CACNA2D3: variants seen among roughly 807,000 people sequenced by gnomAD.
CACNA2D3 encodes voltage-dependent calcium channel subunit alpha-2/delta-3.
A neutral mutation model predicts 160.6 loss-of-function variants in CACNA2D3; 60 were observed. The observed-to-expected ratio is 0.37, with a 90% CI of 0.30 to 0.46. The LOEUF (loss-of-function observed/expected upper bound fraction) is 0.46, where lower values mean the gene tolerates loss of function less well. Ranked by LOEUF, CACNA2D3 falls within the 20% of genes least tolerant of loss-of-function variation. The pLI is 1.00. For missense variants in CACNA2D3, 1,205 were observed against 1,365.0 expected (o/e 0.88, Z 1.85); for synonymous variants, 558 against 492.9 (o/e 1.13, Z -1.75).
chr3:54,421,263 CTTTG>C (rs755610034), intron 4 of CACNA2D3, among the ~76,000 whole-genome samples: 12 of 152,126 alleles, frequency 7.9e-5, no homozygotes, highest in Non-Finnish European at 1.6e-4. Context: ...GGGTGAATAT[CTTTG>C]TTTGTTTATT....
chr3:54,193,464 G>A (rs1474326988), intron 2 of CACNA2D3, among the ~76,000 whole-genome samples: 3 of 152,176 alleles, frequency 2.0e-5, no homozygotes, highest in African/African-American at 7.2e-5. Flanking sequence ...TATCATAATA[G>A]TAAACATTTG....
At chr3:54,790,962 C>T (rs1187232175) in intron 13 of CACNA2D3, among the ~76,000 whole-genome samples, 1 of 152,194 alleles carries the variant, frequency 6.6e-6, no homozygotes, top group Non-Finnish European at 1.5e-5. Context: ...TCTGTGGTGT[C>T]TCCTGCTGTG....
At chr3:54,718,082 G>T (rs1015844038) in intron 11 of CACNA2D3, among the ~76,000 whole-genome samples, 1 of 152,126 alleles carries the variant, frequency 6.6e-6, no homozygotes, top group Non-Finnish European at 1.5e-5. Context: ...GAAATCTCAT[G>T]ATATACTTTT....
chr3:55,025,660 C>T (rs1703550742), intron 35 of CACNA2D3, among the ~76,000 whole-genome samples: 1 of 122,628 alleles, frequency 8.2e-6, no homozygotes, highest in Non-Finnish European at 1.7e-5. Context: ...AAAAAAAAAG[C>T]ATAGTTGATG....
Position 54,816,884 on chromosome 3 carries a change from T to C in CACNA2D3, c.1398+14T>C. The C allele has an allele frequency of 6.2e-7, 1 of 1,613,834 alleles. No homozygotes were observed. The highest frequency in any genetic ancestry group is 8.5e-7 in the Non-Finnish European group (1 of 1,179,838). On this transcript the variant is annotated intron_variant, in intron 14 of 37. Coordinates refer to ENST00000474759, the MANE Select transcript of CACNA2D3 (RefSeq NM_018398.3). Reference sequence around the variant, plus strand: ...CAGGCACAAAAGGTAAATTCTCTTCTGTCACATTCCAGTCACCCCCAGAAC... The same window carrying C: ...CAGGCACAAAAGGTAAATTCTCTTCCGTCACATTCCAGTCACCCCCAGAAC...
intron 5 of CACNA2D3, among the ~76,000 whole-genome samples, chr3:54,532,557 ACTTT>A (rs1367090530): frequency 1.3e-5 from 2 of 152,116 alleles, no homozygotes; most frequent in African/African-American, 4.8e-5. Context: ...GCACTATTTC[ACTTT>A]CTGTTTCTGA....
At chr3:54,209,505 A>T (rs1387029354) in intron 2 of CACNA2D3, among the ~76,000 whole-genome samples, 2 of 152,220 alleles carry the variant, frequency 1.3e-5, no homozygotes, top group Non-Finnish European at 2.9e-5. Flanking sequence ...GGCTGAAAGG[A>T]GTTCACGCAT....
intron 3 of CACNA2D3, 149 bp from the exon 4 acceptor site, chr3:54,386,566 G>C: frequency 4.7e-6 from 3 of 634,180 alleles, no homozygotes; most frequent in Non-Finnish European, 8.0e-6. Context: ...ACACTGATGT[G>C]ATTATTTTCA....
At chr3:54,158,656 C>G (rs144907001) in intron 2 of CACNA2D3, among the ~76,000 whole-genome samples, 5 of 152,302 alleles carry the variant, frequency 3.3e-5, no homozygotes, top group Non-Finnish European at 5.9e-5. Flanking sequence ...ACTTCGCCCA[C>G]AGTGCTTGTT....
chr3:54,239,572 CAGA>C (rs2107405607), intron 2 of CACNA2D3, among the ~76,000 whole-genome samples: 1 of 152,290 alleles, frequency 6.6e-6, no homozygotes, highest in South Asian at 2.1e-4. Flanking sequence ...AGTGTTGGAT[CAGA>C]AGAAGGGAGA....
intron 35 of CACNA2D3, among the ~76,000 whole-genome samples, chr3:55,056,528 A>T (rs1003589521): frequency 6.6e-6 from 1 of 152,230 alleles, no homozygotes; most frequent in Non-Finnish European, 1.5e-5. Context: ...AGCACTTTTC[A>T]TAATAGCTAA....
intron 5 of CACNA2D3, among the ~76,000 whole-genome samples, chr3:54,509,291 T>TTG (rs10586548): frequency 2.1e-4 from 31 of 150,850 alleles, no homozygotes; most frequent in African/African-American, 6.1e-4. Context: ...GTGTGTGTGT[T>TTG]TGTGTGTGTG....
intron 2 of CACNA2D3, among the ~76,000 whole-genome samples, chr3:54,219,670 A>G (rs541468266): frequency 6.6e-6 from 1 of 152,240 alleles, no homozygotes; most frequent in East Asian, 1.9e-4. Context: ...ACCTCCCTGC[A>G]TAAGCATTTT....
chr3:54,809,595 G>T (rs1425897749), intron 13 of CACNA2D3, among the ~76,000 whole-genome samples: 1 of 140,476 alleles, frequency 7.1e-6, no homozygotes, highest in Admixed American at 6.8e-5. Flanking sequence ...TGGGATTACA[G>T]GCGTGAGCCA....
chr3:54,676,204 GCCCCTTTCCT>G (rs1559546234), intron 11 of CACNA2D3, among the ~76,000 whole-genome samples: 1 of 152,108 alleles, frequency 6.6e-6, no homozygotes. Context: ...ATAAATCTTA[GCCCCTTTCCT>G]CCCCTTTCCC....
chr3:54,215,155 T>C (rs1701438163), intron 2 of CACNA2D3, among the ~76,000 whole-genome samples: 1 of 152,224 alleles, frequency 6.6e-6, no homozygotes, highest in Non-Finnish European at 1.5e-5. Context: ...AGAAAAGTTC[T>C]GTCCCCATTT....
intron 31 of CACNA2D3, among the ~76,000 whole-genome samples, chr3:54,989,319 G>T (rs1291460363): frequency 6.6e-6 from 1 of 152,132 alleles, no homozygotes; most frequent in Non-Finnish European, 1.5e-5. Context: ...TGAACCTCTA[G>T]TCTTCTCCTT....
At chr3:55,063,559 C>T (rs1704564799) in intron 35 of CACNA2D3, among the ~76,000 whole-genome samples, 1 of 152,116 alleles carries the variant, frequency 6.6e-6, no homozygotes, top group African/African-American at 2.4e-5. Context: ...TGGGTCTCAG[C>T]ACTATGAGAG....
At chr3:54,365,889 G>A (rs574298868) in intron 3 of CACNA2D3, among the ~76,000 whole-genome samples, 15 of 152,168 alleles carry the variant, frequency 9.9e-5, no homozygotes, top group African/African-American at 3.1e-4. Context: ...ATAAAATACA[G>A]CCTATCCTCT....
Sources: allele counts gnomAD v4.1 joint callset (sites outside exome capture counted in the v4.1 genomes callset), GRCh38; gene constraint gnomAD v4.1.1; transcripts MANE v1.5; gene names NCBI Gene and HGNC (gene_info 2026-07-23, HGNC 2026-07-21).